SYBU: variants seen among roughly 807,000 people sequenced by gnomAD.
The protein encoded by SYBU is syntabulin.
SYBU carries 21 observed loss-of-function variants against 35.9 expected under a neutral mutation model. That is an observed-to-expected ratio of 0.58 (90% CI 0.41 to 0.84). The LOEUF (loss-of-function observed/expected upper bound fraction) is 0.84. Ranked by LOEUF, SYBU falls within the 40% of genes least tolerant of loss-of-function variation. The pLI is 0.00. For missense variants in SYBU, 768 were observed against 848.2 expected, an observed-to-expected ratio of 0.91 and a Z score of 1.17; for synonymous variants, 319 against 324.3, an observed-to-expected ratio of 0.98 and a Z score of 0.18.
intron 2 of SYBU, among the ~76,000 whole-genome samples, chr8:109,636,219 C>G (rs896345930): frequency 6.6e-6 from 1 of 152,166 alleles, no homozygotes; most frequent in African/African-American, 2.4e-5. Flanking sequence ...CTACACCGCA[C>G]TAATTAATGT....
At chr8:109,580,842 C>G (rs1038808480) in intron 4 of SYBU, 1 of 152,550 alleles carries the variant, frequency 6.6e-6, no homozygotes, top group African/African-American at 2.4e-5. Flanking sequence ...TCACTCCTCC[C>G]TCCTCCCTCT....
In SYBU at chr8:109,691,182, G is replaced by A; in HGVS notation, c.-58+151C>T. 1.8e-6 allele frequency: 1 copy of A among 570,974 alleles called. No individual in the cohort carries two copies. Among genetic ancestry groups the A allele is most frequent in the Non-Finnish European group, 3.1e-6 (1 of 319,082 alleles). The allele number at this position is 570,974 out of a possible 1,614,324, so 35.4% of individuals were successfully genotyped here. A position where few individuals can be genotyped will look rare whatever the true frequency, so the allele number is the denominator to read the frequency against. ...TTTCCACGACCTTCTTCTGTGCATCGCCGAGCACCCTGGATACCTCCCGCA... is the reference window on the plus strand; with the variant it reads ...TTTCCACGACCTTCTTCTGTGCATCACCGAGCACCCTGGATACCTCCCGCA... On this transcript the variant is annotated intron_variant, in intron 1 of 7. Coordinates refer to the SYBU transcript ENST00000422135. This position sits in a 1 kb window ranked among gnomAD's most constrained non-coding sequence, Gnocchi z 4.7.
At chr8:109,669,959 C>T (rs757202172) in intron 1 of SYBU, among the ~76,000 whole-genome samples, 16 of 152,090 alleles carry the variant, frequency 1.1e-4, no homozygotes, top group Non-Finnish European at 2.2e-4. Context: ...TTTTAGCAGG[C>T]TTAGGTCAAA....
rs774714023 is a variant in SYBU, at chr8:109,642,953, A to G, written c.25-21T>C. ...TCCTTCTCAAAATTGGACATCAAAA[A>G]AGAAAACAAAAGGAAACGCGTTTCC... On this transcript the variant is annotated intron_variant, in intron 1 of 6. Coordinates refer to ENST00000276646, the MANE Select transcript of SYBU (RefSeq NM_001099754.2). 4.1e-6 allele frequency: 6 copies of G among 1,449,318 alleles called. No homozygotes were observed. In the Admixed American group the frequency reaches 1.6e-4, roughly 38 times the overall value. The allele number at this position is 1,449,318 out of a possible 1,614,324, so 89.8% of individuals were successfully genotyped here.
chr8:109,627,164 T>C (rs1409962352), intron 2 of SYBU, among the ~76,000 whole-genome samples: 5 of 152,212 alleles, frequency 3.3e-5, no homozygotes, highest in Non-Finnish European at 7.3e-5. Context: ...GGGGGGAAGT[T>C]ATTGCTAGTT....
intron 1 of SYBU, among the ~76,000 whole-genome samples, chr8:109,679,931 A>G (rs1348710029): frequency 6.6e-6 from 1 of 152,218 alleles, no homozygotes; most frequent in Non-Finnish European, 1.5e-5. Flanking sequence ...TTTTAAACTA[A>G]ACCATTACCT....
chr8:109,593,140 G>T (rs762926707), intron 3 of SYBU, among the ~76,000 whole-genome samples: 75 of 152,300 alleles, frequency 4.9e-4, no homozygotes, highest in Admixed American at 8.5e-4. Flanking sequence ...CCAGGCATCT[G>T]CATTTTTGAT....
intron 1 of SYBU, among the ~76,000 whole-genome samples, chr8:109,689,762 A>G (rs78190686): frequency 0.016 from 2,363 of 151,572 alleles, 31 homozygotes; most frequent in Middle Eastern, 0.058. Flanking sequence ...CCCATCTCCA[A>G]ACCTTGTCAA....
chr8:109,610,067 C>T (rs986562459), intron 3 of SYBU, among the ~76,000 whole-genome samples: 3 of 152,118 alleles, frequency 2.0e-5, no homozygotes, highest in African/African-American at 7.2e-5. Context: ...CCTAACTCAC[C>T]GCTCTGCCCA....
upstream of SYBU, chr8:109,645,633 G>GTTTTTTGTTTT (rs1554624998): frequency 4.6e-6 from 1 of 217,766 alleles, no homozygotes; most frequent in African/African-American, 2.7e-5. Flanking sequence ...TTCGTTTTTT[G>GTTTTTTGTTTT]TTTTTTTTTT....
At chr8:109,609,902 G>C (rs1810978425) in intron 3 of SYBU, among the ~76,000 whole-genome samples, 1 of 152,070 alleles carries the variant, frequency 6.6e-6, no homozygotes, top group Non-Finnish European at 1.5e-5. Context: ...TTAGTGTCTT[G>C]CTTCCAGTTT....
At chr8:109,649,475 C>T (rs1170064902), upstream of SYBU, among the ~76,000 whole-genome samples, 1 of 152,142 alleles carries the variant, frequency 6.6e-6, no homozygotes, top group African/African-American at 2.4e-5. Flanking sequence ...TGAACATTCA[C>T]TGGGCTCAGA....
chr8:109,626,183 T>C (rs1385376450), intron 2 of SYBU, among the ~76,000 whole-genome samples: 1 of 152,224 alleles, frequency 6.6e-6, no homozygotes, highest in African/African-American at 2.4e-5. Context: ...CATCAACCCT[T>C]TTGTTTGCTT....
At chr8:109,649,203 C>T (rs1816009254), upstream of SYBU, among the ~76,000 whole-genome samples, 1 of 151,642 alleles carries the variant, frequency 6.6e-6, no homozygotes, top group African/African-American at 2.4e-5. Flanking sequence ...GGGGTTTCAC[C>T]ATGTTGGCCA....
intron 3 of SYBU, among the ~76,000 whole-genome samples, chr8:109,595,276 C>G (rs961871331): frequency 2.0e-5 from 3 of 152,078 alleles, no homozygotes; most frequent in African/African-American, 7.2e-5. Context: ...ATGGTCCTGG[C>G]AGAGGATGGT....
Position 109,691,034 on chromosome 8 carries a change from T to C in SYBU, c.-58+299A>G, listed in dbSNP as rs1352693881. ...AAAACCGACGGCCTATACATTAGCC[T>C]GGCTAATCTTGCTCGTTGCAACAAG... On this transcript the variant is annotated intron_variant, in intron 1 of 7. Coordinates refer to the SYBU transcript ENST00000422135. The surrounding 1 kb of genome is among the most constrained non-coding windows in gnomAD (Gnocchi z 4.7). Among the ~76,000 whole-genome samples the C allele has an allele frequency of 6.6e-6, 1 of 152,216 alleles. No homozygotes were observed. The highest frequency in any genetic ancestry group is 2.4e-5 in the African/African-American group (1 of 41,460).
rs770573721 is a variant in SYBU at position 109,575,860 on chromosome 8, G to A, written c.1038C>T (p.Ser346=). ...QLKQVIETMR[S]SLADKDKGIQ... ...TGCCTTTATCTTTATCAGCCAAGCTGCTCCGCATGGTTTCGATGACCTGTT... is the reference window on the plus strand; with the variant it reads ...TGCCTTTATCTTTATCAGCCAAGCTACTCCGCATGGTTTCGATGACCTGTT... Residue 346 remains serine, a synonymous_variant, in exon 7 of 7, where the codon AGC becomes AGT. Transcript: ENST00000276646. 1 of 1,613,926 alleles carries A rather than the reference G, an allele frequency of 6.2e-7. No individual in the cohort carries two copies. Among genetic ancestry groups the A allele is most frequent in the Non-Finnish European group, 8.5e-7 (1 of 1,179,990 alleles).
chr8:109,577,979 CCAT>C lies in SYBU; in HGVS notation c.770_772del (p.His257_Gly258delinsArg). 2 of 1,613,800 alleles carry C rather than the reference CCAT, an allele frequency of 1.2e-6. No individual in the cohort carries two copies. Among genetic ancestry groups the C allele is most frequent in the Non-Finnish European group, 1.7e-6 (2 of 1,179,882 alleles). On this transcript the variant is annotated inframe_deletion, in exon 6 of 7. Coordinates refer to ENST00000276646, the MANE Select transcript of SYBU (RefSeq NM_001099754.2). ...CTGCTCTGGGTTTGGGGGTCTGACA[CCAT>C]GATTTTCACCGCAAGACATGTACCT...
upstream of SYBU, chr8:109,646,860 A>T (rs1815749837): frequency 6.6e-6 from 1 of 152,196 alleles, no homozygotes; most frequent in Non-Finnish European, 1.5e-5. Flanking sequence ...CCACCCAAGT[A>T]ATAACGGTCT....
Sources: allele counts gnomAD v4.1 joint callset (sites outside exome capture counted in the v4.1 genomes callset), GRCh38; gene constraint gnomAD v4.1.1; non-coding constraint Gnocchi (gnomAD v3.1); transcripts MANE v1.5; gene names NCBI Gene and HGNC (gene_info 2026-07-23, HGNC 2026-07-21).